Variants in SLC12A6 observed in about 807,000 individuals in gnomAD.
The protein encoded by SLC12A6 is solute carrier family 12 member 6.
Under a neutral mutation model 135.3 loss-of-function variants are expected in SLC12A6, and 66 were observed. The observed-to-expected ratio is 0.49, with a 90% confidence interval of 0.40 to 0.60. SLC12A6 has a LOEUF of 0.60. Among genes scored for constraint, SLC12A6 ranks in the 20% least tolerant of loss-of-function variants. The probability of loss-of-function intolerance (pLI) is 0.00; values close to 1 mark genes in which losing one functional copy is unlikely to be tolerated. For synonymous variants in SLC12A6, 513 were observed against 508.8 expected (o/e 1.01, Z -0.11); for missense variants, 1,058 against 1,452.3 (o/e 0.73, Z 4.41).
intron 24 of SLC12A6, 56 bp from the exon 25 acceptor site, chr15:34,235,370 C>A: frequency 6.8e-7 from 1 of 1,471,266 alleles, no homozygotes. Flanking sequence ...GCCATAAAGT[C>A]AACGTTAAAA....
At chr15:34,256,496 C>G (rs1030598263) in intron 6 of SLC12A6, among the ~76,000 whole-genome samples, 1 of 152,260 alleles carries the variant, frequency 6.6e-6, no homozygotes, top group Middle Eastern at 3.4e-3. Flanking sequence ...CAAAATGCTC[C>G]CACATCAGTA....
intron 2 of SLC12A6, among the ~76,000 whole-genome samples, chr15:34,328,172 T>C (rs1267720675): frequency 6.6e-6 from 1 of 152,110 alleles, no homozygotes; most frequent in Non-Finnish European, 1.5e-5. Context: ...GTGGCTTTTG[T>C]TTTCTATTTC....
intron 6 of SLC12A6, 23 bp downstream of exon 6, chr15:34,257,619 C>T (rs1220668959): frequency 3.1e-6 from 5 of 1,608,238 alleles, no homozygotes; most frequent in Non-Finnish European, 3.4e-6. Flanking sequence ...CAGGTGATCT[C>T]TAGGAGCCAG....
intron 2 of SLC12A6, among the ~76,000 whole-genome samples, chr15:34,304,226 C>T (rs79830008): frequency 0.02 from 3,098 of 152,208 alleles, 105 homozygotes; most frequent in African/African-American, 0.071. Context: ...TCAAGCTTCA[C>T]ACATGTTATA....
intron 2 of SLC12A6, chr15:34,314,801 T>G (rs1888516060): frequency 6.7e-6 from 1 of 148,582 alleles, no homozygotes; most frequent in African/African-American, 2.5e-5. Context: ...CTTCTCTCAC[T>G]CCTACTCCTT....
intron 2 of SLC12A6, among the ~76,000 whole-genome samples, chr15:34,298,425 A>G (rs1566850046): frequency 1.3e-5 from 2 of 152,116 alleles, no homozygotes; most frequent in African/African-American, 4.8e-5. Context: ...CAGTGAGCTG[A>G]GATGGTGCCT....
intron 19 of SLC12A6, among the ~76,000 whole-genome samples, chr15:34,239,506 T>C (rs1244697745): frequency 6.6e-6 from 1 of 152,214 alleles, no homozygotes; most frequent in Non-Finnish European, 1.5e-5. Flanking sequence ...GGTGATTCAC[T>C]ATTGTGAACA....
At position 34,252,668 on chromosome 15, in the gene SLC12A6, G is replaced by A. The variant is rs545043101; in HGVS notation, c.1119-284C>T. On this transcript the variant is annotated intron_variant, in intron 9 of 25. Coordinates refer to ENST00000354181, the MANE Select transcript of SLC12A6 (RefSeq NM_001365088.1). ...TTAGGAAGACAGGGAGTTAATTGAA[G>A]GTTAGGGAAATACAGTTATCTGTCC... Among the ~76,000 whole-genome samples the A allele has an allele frequency of 1.3e-4, 20 of 152,298 alleles. No individual in the cohort carries two copies. The East Asian group carries it at 3.9e-3, about 29-fold the overall frequency.
rs144461318 is a variant in SLC12A6, at chr15:34,323,940, C to CAAAAAAAAAAAAAAAAA, written c.271+12469_271+12470insTTTTTTTTTTTTTTTTT. On this transcript the variant is annotated intron_variant, in intron 2 of 25. Coordinates refer to ENST00000354181, the MANE Select transcript of SLC12A6 (RefSeq NM_001365088.1). Reference sequence around the variant, plus strand: ...TAGGTGACAGAGTGAGATCTTGTCTCAAAAAAAAAAGACTTTTGGTAAAGA... The same window carrying CAAAAAAAAAAAAAAAAA: ...TAGGTGACAGAGTGAGATCTTGTCTCAAAAAAAAAAAAAAAAAAAAAAAAAAAGACTTTTGGTAAAGA... Among the ~76,000 whole-genome samples, 30 of 130,974 alleles carry CAAAAAAAAAAAAAAAAA rather than the reference C, an allele frequency of 2.3e-4. 2 individuals carry two copies. Among genetic ancestry groups the CAAAAAAAAAAAAAAAAA allele is most frequent in the East Asian group, 4.9e-4 (2 of 4,080 alleles). 85.9% of individuals were successfully genotyped at this position (130,974 alleles called of 152,430 possible).
chr15:34,293,151 G>A (rs576396376), intron 2 of SLC12A6, among the ~76,000 whole-genome samples: 11 of 151,980 alleles, frequency 7.2e-5, no homozygotes, highest in South Asian at 2.1e-4. Context: ...TCTTGGAAGC[G>A]ACTCCTTAAG....
chr15:34,261,024 G>GAAA lies in SLC12A6; in HGVS notation c.317-7_317-5dup. 8 of 1,302,898 alleles carry GAAA rather than the reference G, an allele frequency of 6.1e-6. No homozygotes were observed. Among genetic ancestry groups the GAAA allele is most frequent in the Non-Finnish European group, 8.5e-6 (8 of 938,314 alleles). 80.7% of individuals were successfully genotyped at this position (1,302,898 alleles called of 1,614,324 possible). ...CGAGCTTTCTTATGTCCGTCGTCTG[G>GAAA]AAAAAAAAAAGTAGACCAAGTTAGT... is the stretch of plus-strand genomic sequence containing the variant. On this transcript the variant is annotated splice_region_variant and splice_polypyrimidine_tract_variant and intron_variant, in intron 3 of 25. Coordinates refer to ENST00000354181, the MANE Select transcript of SLC12A6 (RefSeq NM_001365088.1).
At chr15:34,236,635 C>T (rs1043340016) in intron 23 of SLC12A6, 73 bp downstream of exon 23, 29 of 966,364 alleles carry the variant, frequency 3.0e-5, no homozygotes, top group Non-Finnish European at 4.6e-5. Context: ...AGCCACCATG[C>T]CCAGCCCAGT....
intron 2 of SLC12A6, among the ~76,000 whole-genome samples, chr15:34,291,716 C>A (rs940443770): frequency 1.3e-5 from 2 of 152,028 alleles, no homozygotes; most frequent in African/African-American, 4.8e-5. Context: ...TGTCTTCTCA[C>A]TTTATTTCAT....
At chr15:34,307,392 A>C (rs1373119571) in intron 2 of SLC12A6, among the ~76,000 whole-genome samples, 2 of 152,244 alleles carry the variant, frequency 1.3e-5, no homozygotes, top group African/African-American at 4.8e-5. Context: ...TCTCACCCTC[A>C]ATACAGGTGA....
chr15:34,276,299 CATAA>C (rs1480186453), intron 2 of SLC12A6, among the ~76,000 whole-genome samples: 5 of 152,208 alleles, frequency 3.3e-5, no homozygotes, highest in Admixed American at 2.6e-4. Flanking sequence ...AAAGTCAAGA[CATAA>C]ATAAAGCACT....
chr15:34,246,236 C>A (rs911878848), intron 13 of SLC12A6, among the ~76,000 whole-genome samples: 1 of 151,164 alleles, frequency 6.6e-6, no homozygotes, highest in Admixed American at 6.6e-5. Context: ...TCCAGCCCAC[C>A]CAGTTTTTTT....
At chr15:34,307,921 A>T (rs906507849) in intron 2 of SLC12A6, among the ~76,000 whole-genome samples, 10 of 152,326 alleles carry the variant, frequency 6.6e-5, no homozygotes, top group African/African-American at 2.4e-4. Flanking sequence ...GAATACAGGA[A>T]AATAAATGAG....
intron 2 of SLC12A6, among the ~76,000 whole-genome samples, chr15:34,296,077 T>G (rs917585794): frequency 1.3e-5 from 2 of 152,230 alleles, no homozygotes; most frequent in African/African-American, 4.8e-5. Context: ...CTGTCTGTAC[T>G]ACATTTCCCA....
intron 17 of SLC12A6, 36 bp downstream of exon 17, chr15:34,242,066 A>AT: frequency 6.4e-7 from 1 of 1,559,180 alleles, no homozygotes; most frequent in Non-Finnish European, 8.8e-7. Context: ...TAGTCTTGCT[A>AT]CTTTTAGCAG....
Sources: gnomAD v4.1 joint callset for allele counts (sites outside exome capture counted in the v4.1 genomes callset) on GRCh38, gnomAD v4.1.1 for gene constraint, MANE v1.5 for transcripts, NCBI Gene and HGNC (gene_info 2026-07-23, HGNC 2026-07-21) for gene names.